Variants in TTBK2 observed in about 807,000 individuals in gnomAD.
TTBK2 encodes tau tubulin kinase 2.
TTBK2 carries 28 observed loss-of-function variants against 110.8 expected under a neutral mutation model. The observed-to-expected ratio is 0.25, with a 90% CI of 0.19 to 0.35. The LOEUF is 0.35. Among genes scored for constraint, TTBK2 ranks in the 10% least tolerant of loss-of-function variants. TTBK2 has a pLI of 1.00. For missense variants in TTBK2, 1,369 were observed against 1,500.3 expected, an observed-to-expected ratio of 0.91 and a Z score of 1.45; for synonymous variants, 532 against 527.3, an observed-to-expected ratio of 1.01 and a Z score of -0.12.
intron 13 of TTBK2, among the ~76,000 whole-genome samples, chr15:42,757,265 C>T (rs970625939): frequency 7.4e-6 from 1 of 134,350 alleles, no homozygotes; most frequent in Non-Finnish European, 1.5e-5. Flanking sequence ...TAGCACCACA[C>T]CAGCTAATTA....
intron 13 of TTBK2, among the ~76,000 whole-genome samples, chr15:42,772,828 C>T (rs1156291234): frequency 1.3e-5 from 2 of 152,082 alleles, no homozygotes. Context: ...CACCTGTAAT[C>T]CCAGCACTTT....
chr15:42,772,823 G>A (rs1889736474), intron 13 of TTBK2, among the ~76,000 whole-genome samples: 1 of 152,064 alleles, frequency 6.6e-6, no homozygotes, highest in Non-Finnish European at 1.5e-5. Flanking sequence ...GCTCACACCT[G>A]TAATCCCAGC....
At chr15:42,790,094 T>A (rs1453698338) in intron 10 of TTBK2, among the ~76,000 whole-genome samples, 1 of 152,100 alleles carries the variant, frequency 6.6e-6, no homozygotes, top group East Asian at 1.9e-4. Flanking sequence ...TGCAAAGGAA[T>A]TGGACCCCTA....
intron 3 of TTBK2, among the ~76,000 whole-genome samples, chr15:42,854,483 T>C (rs1229475450): frequency 6.6e-6 from 1 of 152,192 alleles, no homozygotes; most frequent in Non-Finnish European, 1.5e-5. Context: ...TCAAAGTCAT[T>C]CTGTCATAAC....
intron 5 of TTBK2, among the ~76,000 whole-genome samples, chr15:42,828,833 C>A (rs1892638884): frequency 6.6e-6 from 1 of 151,760 alleles, no homozygotes; most frequent in Middle Eastern, 3.4e-3. Context: ...AAGGAAAATA[C>A]ACTTTGTATT....
chr15:42,780,183 G>T (rs1367986069), intron 11 of TTBK2, among the ~76,000 whole-genome samples: 1 of 140,670 alleles, frequency 7.1e-6, no homozygotes, highest in African/African-American at 2.8e-5. Context: ...CAACATGCCC[G>T]GCTAACTTTT....
chr15:42,872,004 G>C (rs971436443), intron 3 of TTBK2, among the ~76,000 whole-genome samples: 12 of 152,000 alleles, frequency 7.9e-5, no homozygotes, highest in African/African-American at 2.4e-4. Context: ...ACACAAACTA[G>C]CAATATATTC....
chr15:42,878,130 C>T (rs548827206), intron 2 of TTBK2, among the ~76,000 whole-genome samples: 2 of 149,368 alleles, frequency 1.3e-5, no homozygotes, highest in African/African-American at 4.9e-5. Flanking sequence ...GCCTGCACCA[C>T]GCCCAGCTAA....
In TTBK2 at chr15:42,743,978, C is replaced by T. The variant is rs1421099006; in HGVS notation, c.*1817G>A. The T allele has an allele frequency of 6.7e-6, 1 of 148,334 alleles. No homozygotes were observed. Among genetic ancestry groups the T allele is most frequent in the Middle Eastern group, 3.2e-3 (1 of 310 alleles). 9.2% of individuals were successfully genotyped at this position (148,334 alleles called of 1,614,324 possible). ...TGACTCTATATAAGGATATGTCTCT[C>T]TATATATTTATAAATATTTATATAA... On this transcript the variant is annotated 3_prime_UTR_variant, in exon 15 of 15. Coordinates refer to ENST00000267890, the MANE Select transcript of TTBK2 (RefSeq NM_173500.4).
At position 42,810,727 on chromosome 15, in the gene TTBK2, A is replaced by G; in HGVS notation, c.709T>C (p.Ser237Pro). 1.2e-6 allele frequency: 2 copies of G among 1,613,590 alleles called. No homozygotes were observed. Among genetic ancestry groups the G allele is most frequent in the Non-Finnish European group, 1.7e-6 (2 of 1,179,840 alleles). Residue 237 changes from serine to proline, a missense_variant, in exon 9 of 15, where the codon TCT becomes CCT. Physicochemically the swap from Ser to Pro is moderately conservative, Grantham distance 74 (BLOSUM62 -1). Coordinates refer to ENST00000267890, the MANE Select transcript of TTBK2 (RefSeq NM_173500.4). ...RKIKDKEQVG[S>P]IKERYDHRLM... ...CTGTGGTCATATCTCTCCTTAATAG[A>G]GCCTACTTGCTCCTGGGAAGTAAAG...
intron 4 of TTBK2, among the ~76,000 whole-genome samples, chr15:42,833,609 A>G (rs1252124300): frequency 1.3e-5 from 2 of 152,126 alleles, no homozygotes; most frequent in African/African-American, 2.4e-5. Context: ...GTGGTGGCTC[A>G]CATCTATAAT....
intron 13 of TTBK2, among the ~76,000 whole-genome samples, chr15:42,763,177 T>TATATAC (rs1268507343): frequency 2.8e-3 from 56 of 20,272 alleles, no homozygotes; most frequent in Non-Finnish European, 4.3e-3. Flanking sequence ...TATATATATA[T>TATATAC]ATATATATAT....
intron 9 of TTBK2, chr15:42,802,175 C>T (rs1398271663): frequency 7.7e-7 from 1 of 1,304,498 alleles, no homozygotes; most frequent in Non-Finnish European, 1.1e-6. Context: ...TTGGGGTCCA[C>T]CTCCAGGTTA....
rs2029896551 is a variant in TTBK2, at chr15:42,900,030, G to C, written c.-68+20408C>G. ...TTTTTTCAGATGGAGTTTCACTCTT[G>C]TTGCCCAGGCTGGAGTACAATGGCA... On this transcript the variant is annotated intron_variant, in intron 1 of 14. Transcript: ENST00000267890. 2.0e-5 allele frequency among the ~76,000 whole-genome samples: 3 copies of C among 151,678 alleles called. No individual in the cohort carries two copies. In the South Asian group the frequency reaches 6.2e-4, roughly 32 times the overall value.
Position 42,854,172 on chromosome 15 carries a change from C to T in TTBK2, c.218-13739G>A, listed in dbSNP as rs549755561. Among the ~76,000 whole-genome samples the T allele has an allele frequency of 3.9e-5, 6 of 152,288 alleles. No homozygotes were observed. The South Asian group carries it at 1.2e-3, about 32-fold the overall frequency. On this transcript the variant is annotated intron_variant, in intron 3 of 14. Transcript: ENST00000267890. ...AGGCCGATCTCATACTCCTGGGCCT[C>T]AAGTGATCCTCCTGCCTTGGCCTCC...
intron 1 of TTBK2, among the ~76,000 whole-genome samples, chr15:42,913,632 C>T (rs936850865): frequency 7.4e-5 from 11 of 149,364 alleles, no homozygotes; most frequent in African/African-American, 1.5e-4. Flanking sequence ...AGCGAGACTC[C>T]GTCTCAAAAA....
intron 5 of TTBK2, 138 bp from the exon 6 acceptor site, chr15:42,828,170 A>G: frequency 1.5e-6 from 1 of 683,748 alleles, no homozygotes; most frequent in South Asian, 2.0e-5. Flanking sequence ...CTAGTAAATG[A>G]TGTTTAGTGG....
At chr15:42,769,310 T>C (rs1157318783) in intron 13 of TTBK2, among the ~76,000 whole-genome samples, 2 of 152,162 alleles carry the variant, frequency 1.3e-5, no homozygotes, top group Non-Finnish European at 2.9e-5. Context: ...GAAACTACCA[T>C]CAGAGTGAAC....
At chr15:42,920,876 A>T (rs1296820756), upstream of TTBK2, 1 of 152,866 alleles carries the variant, frequency 6.5e-6, no homozygotes, top group South Asian at 2.1e-4. Context: ...CCTCTCCGCT[A>T]CAGGTGCTGA....
Sources: allele counts gnomAD v4.1 joint callset (sites outside exome capture counted in the v4.1 genomes callset), GRCh38; gene constraint gnomAD v4.1.1; transcripts MANE v1.5; gene names NCBI Gene and HGNC (gene_info 2026-07-23, HGNC 2026-07-21).